MAPKAPK2: variants seen among roughly 807,000 people sequenced by gnomAD.
MAPKAPK2 encodes MAPK activated protein kinase 2.
A neutral mutation model predicts 48.8 loss-of-function variants in MAPKAPK2; 9 were observed. That is an observed-to-expected ratio of 0.18 (90% CI 0.11 to 0.32). MAPKAPK2 has a LOEUF of 0.32. MAPKAPK2 is among the 10% of genes least tolerant of loss of function. The pLI is 1.00. For synonymous variants in MAPKAPK2, 202 were observed against 190.6 expected (o/e 1.06, Z -0.49); for missense variants, 331 against 498.3 (o/e 0.66, Z 3.20).
In MAPKAPK2 at chr1:206,728,818, G is replaced by A. The variant is rs781887326; in HGVS notation, c.388G>A (p.Gly130Arg). The change falls in exon 2 of 10, where the codon GGG becomes AGG. Residue 130 changes from glycine (G) to arginine (R), a missense_variant. Around this residue, in one of 4 missense-constraint regions of MAPKAPK2, gnomAD observed 111 missense variants for 193.6 expected, o/e 0.57. Coordinates refer to ENST00000367103, the MANE Select transcript of MAPKAPK2 (RefSeq NM_032960.4). ...GGATGTGTACGAGAATCTGTACGCA[G>A]GGAGGAAGTGCCTGCTGATTGTCAT... is the stretch of plus-strand genomic sequence containing the variant. ...IVDVYENLYAGRKCLLIVMEC... is the reference protein window; with the variant it reads ...IVDVYENLYARRKCLLIVMEC... 1 of 1,614,224 alleles carries A rather than the reference G, an allele frequency of 6.2e-7. No individual in the cohort carries two copies.
chr1:206,687,256 C>G (rs1341129520), intron 1 of MAPKAPK2, among the ~76,000 whole-genome samples: 1 of 152,222 alleles, frequency 6.6e-6, no homozygotes, highest in Non-Finnish European at 1.5e-5. Flanking sequence ...TTAATAGACA[C>G]ACGCACAAAA....
intron 1 of MAPKAPK2, among the ~76,000 whole-genome samples, chr1:206,705,991 G>A (rs1471904041): frequency 2.6e-5 from 4 of 152,188 alleles, no homozygotes; most frequent in African/African-American, 9.7e-5. Context: ...CTGTGAGGCA[G>A]TGGTTATTTC....
rs1412095900 is a variant in MAPKAPK2, at chr1:206,733,742, TCATGTAGGTGAGCCTGGG to T, written c.*1027_*1044del. On this transcript the variant is annotated 3_prime_UTR_variant, in exon 10 of 10. Transcript: ENST00000367103. ...ATTTCTCCATGGGCCACCGCCCAGC[TCATGTAGGTGAGCCTGGG>T]CAGCTTCTGTTGGCAGAGCTTTTGC... The T allele has an allele frequency of 6.5e-6, 1 of 152,808 alleles. No homozygotes were observed. The highest frequency in any genetic ancestry group is 1.9e-4 in the East Asian group (1 of 5,336). The allele number at this position is 152,808 out of a possible 1,614,324, so 9.5% of individuals were successfully genotyped here. A position where few individuals can be genotyped will look rare whatever the true frequency, so the allele number is the denominator to read the frequency against.
At position 206,731,683 on chromosome 1, in the gene MAPKAPK2, G is replaced by A. The variant is rs1553432721; in HGVS notation, c.936G>A (p.Gln312=). Residue 312 remains glutamine (Q), a synonymous_variant, in exon 8 of 10, where the codon CAG becomes CAA. Coordinates refer to ENST00000367103, the MANE Select transcript of MAPKAPK2 (RefSeq NM_032960.4). The surrounding 1 kb of genome is among the most constrained non-coding windows in gnomAD (Gnocchi z 5.9). ...IRNLLKTEPT[Q]RMTITEFMNH... ...ATCTGCTGAAAACAGAGCCCACCCA[G>A]AGAATGACCATCACCGAGTTTATGA... is the stretch of plus-strand genomic sequence containing the variant. 6.2e-7 allele frequency: 1 copy of A among 1,614,132 alleles called. No individual in the cohort carries two copies. The highest frequency in any genetic ancestry group is 1.1e-5 in the South Asian group (1 of 91,082).
rs558406553 is a variant in MAPKAPK2 at position 206,696,060 on chromosome 1, G to A, written c.279+10552G>A. 2.8e-5 allele frequency: 27 copies of A among 954,248 alleles called. No homozygotes were observed. In the East Asian group the frequency reaches 6.0e-4, roughly 21 times the overall value. The allele number at this position is 954,248 out of a possible 1,614,324, so 59.1% of individuals were successfully genotyped here. ...CGGGCAGCCAACATAGCAGCATGTGGTGAGGATTCATCTCACCTGCCTTCA... is the reference window on the plus strand; with the variant it reads ...CGGGCAGCCAACATAGCAGCATGTGATGAGGATTCATCTCACCTGCCTTCA... On this transcript the variant is annotated intron_variant, in intron 1 of 9. Transcript: ENST00000367103.
At chr1:206,701,932 G>A (rs1191967782) in intron 1 of MAPKAPK2, among the ~76,000 whole-genome samples, 1 of 150,490 alleles carries the variant, frequency 6.6e-6, no homozygotes, top group African/African-American at 2.4e-5. Context: ...CAGGATGATT[G>A]TTAGACTCAC....
intron 1 of MAPKAPK2, among the ~76,000 whole-genome samples, chr1:206,701,854 A>AT (rs1319402980): frequency 2.0e-5 from 3 of 151,064 alleles, no homozygotes; most frequent in Non-Finnish European, 4.4e-5. Context: ...AAAAAAAAAA[A>AT]AAGAGGAGTT....
At chr1:206,705,471 G>A (rs1289050432) in intron 1 of MAPKAPK2, among the ~76,000 whole-genome samples, 1 of 152,232 alleles carries the variant, frequency 6.6e-6, no homozygotes, top group African/African-American at 2.4e-5. Context: ...TTGGACAAGG[G>A]AGAGGCTGGT....
rs1390939293 is a variant in MAPKAPK2, at chr1:206,715,046, C to T, written c.280-13664C>T. On this transcript the variant is annotated intron_variant, in intron 1 of 9. Coordinates refer to ENST00000367103, the MANE Select transcript of MAPKAPK2 (RefSeq NM_032960.4). ...GGAATCAACCTGTACTTTCCTTCTG[C>T]ATCCTGGGATGTAATTCTGGGTGAT... is the stretch of plus-strand genomic sequence containing the variant. 2.0e-5 allele frequency among the ~76,000 whole-genome samples: 3 copies of T among 152,150 alleles called. 1 individual carries two copies. The highest frequency in any genetic ancestry group is 4.4e-5 in the Non-Finnish European group (3 of 68,036).
At chr1:206,706,606 G>A (rs1165142462) in intron 1 of MAPKAPK2, among the ~76,000 whole-genome samples, 1 of 152,194 alleles carries the variant, frequency 6.6e-6, no homozygotes, top group Non-Finnish European at 1.5e-5. Flanking sequence ...TCACCGAGGC[G>A]GGTATGGGGT....
At chr1:206,729,795 C>T (rs1673840372) in intron 4 of MAPKAPK2, among the ~76,000 whole-genome samples, 177 bp from the exon 5 acceptor site, 1 of 152,254 alleles carries the variant, frequency 6.6e-6, no homozygotes, top group South Asian at 2.1e-4. Flanking sequence ...CTCTGGAAAC[C>T]CTGCAGAGGC....
At chr1:206,722,254 G>C (rs1553431310) in intron 1 of MAPKAPK2, among the ~76,000 whole-genome samples, 1 of 152,064 alleles carries the variant, frequency 6.6e-6, no homozygotes, top group Non-Finnish European at 1.5e-5. Flanking sequence ...CAGCTACTCG[G>C]GAAGCTGAGG....
rs186406351 is a variant in MAPKAPK2, at chr1:206,731,733, C to G, written c.978+8C>G. The G allele has an allele frequency of 5.0e-5, 81 of 1,613,936 alleles. No homozygotes were observed. Among genetic ancestry groups the G allele is most frequent in the South Asian group, 1.1e-5 (1 of 91,066 alleles). ...AACCACCCTTGGATCATGGTAAGCT[C>G]GGCAGGCTGGGGAGCCTTGGGTCTC... On this transcript the variant is annotated splice_region_variant and intron_variant, in intron 8 of 9. Coordinates refer to ENST00000367103, the MANE Select transcript of MAPKAPK2 (RefSeq NM_032960.4). The surrounding 1 kb of genome is among the most constrained non-coding windows in gnomAD (Gnocchi z 5.9).
chr1:206,712,961 A>ATC (rs1259581504), intron 1 of MAPKAPK2, among the ~76,000 whole-genome samples: 1 of 12,730 alleles, frequency 7.9e-5, no homozygotes, highest in African/African-American at 2.9e-4. Context: ...ATGAGACTCC[A>ATC]TCACACACAC....
intron 1 of MAPKAPK2, among the ~76,000 whole-genome samples, chr1:206,691,206 C>T (rs1553426192): frequency 6.6e-5 from 10 of 152,264 alleles, no homozygotes. Context: ...ATCCGAGCCA[C>T]ATCTTGAGAC....
chr1:206,696,156 A>G, intron 1 of MAPKAPK2: 1 of 1,567,882 alleles, frequency 6.4e-7, no homozygotes, highest in East Asian at 2.2e-5. Context: ...CAAAAGTGTC[A>G]TTGAAGGATG....
intron 1 of MAPKAPK2, among the ~76,000 whole-genome samples, chr1:206,694,595 G>A (rs781839090): frequency 5.3e-5 from 8 of 152,258 alleles, no homozygotes; most frequent in Non-Finnish European, 1.2e-4. Flanking sequence ...CTTCACGGGA[G>A]CTGGAGAAGG....
intron 1 of MAPKAPK2, among the ~76,000 whole-genome samples, chr1:206,712,839 G>A (rs782509956): frequency 8.6e-5 from 13 of 151,912 alleles, no homozygotes; most frequent in Non-Finnish European, 1.0e-4. Context: ...GGTGGTGGGC[G>A]CCTGTAGTCC....
chr1:206,701,668 TA>T (rs1672798030), intron 1 of MAPKAPK2, among the ~76,000 whole-genome samples: 1 of 151,688 alleles, frequency 6.6e-6, no homozygotes, highest in Admixed American at 6.6e-5. Context: ...ACACTGTCTC[TA>T]CAAAAAATAC....
Sources: allele counts gnomAD v4.1 joint callset (sites outside exome capture counted in the v4.1 genomes callset), GRCh38; gene constraint gnomAD v4.1.1; regional missense constraint gnomAD v4.1.1; non-coding constraint Gnocchi (gnomAD v3.1); transcripts MANE v1.5; gene names NCBI Gene and HGNC (gene_info 2026-07-23, HGNC 2026-07-21).